Variants in CDH4 observed in about 807,000 individuals in gnomAD.
CDH4 encodes the protein cadherin-4.
In CDH4, 33 loss-of-function variants were observed where a neutral mutation model predicts 86.0. The ratio of observed to expected loss-of-function variants is 0.38; its 90% CI spans 0.29 to 0.51. CDH4 has a LOEUF of 0.51. CDH4 is among the 20% of genes least tolerant of loss of function. CDH4 has a pLI of 0.86. For missense variants in CDH4, 1,114 were observed against 1,307.4 expected (o/e 0.85, Z 2.28); for synonymous variants, 555 against 549.4 (o/e 1.01, Z -0.14).
chr20:61,933,237 C>A, intron 14 of CDH4, 113 bp downstream of exon 14: 2 of 1,358,374 alleles, frequency 1.5e-6, no homozygotes, highest in Non-Finnish European at 1.0e-6. Flanking sequence ...ACCTTTTCAC[C>A]AGTGAAGGTG....
chr20:61,546,130 GGGATACGGTATT>G (rs2086082807), intron 2 of CDH4, among the ~76,000 whole-genome samples: 2 of 147,420 alleles, frequency 1.4e-5, no homozygotes, highest in Admixed American at 6.8e-5. Context: ...GGGGGTATGT[GGGATACGGTATT>G]TGTTCACATT....
chr20:61,503,650 A>C (rs2085720295), intron 2 of CDH4, among the ~76,000 whole-genome samples: 2 of 152,354 alleles, frequency 1.3e-5, no homozygotes, highest in Non-Finnish European at 2.9e-5. Context: ...TCAGGGAATA[A>C]CATTTGGCTT....
At chr20:61,439,281 T>C (rs1367839428) in intron 2 of CDH4, among the ~76,000 whole-genome samples, 2 of 152,140 alleles carry the variant, frequency 1.3e-5, no homozygotes, top group African/African-American at 4.8e-5. Flanking sequence ...GCAGTGTGCA[T>C]TTCGGTTGTA....
chr20:61,428,770 T>C (rs189715579), intron 2 of CDH4, among the ~76,000 whole-genome samples: 5 of 149,436 alleles, frequency 3.3e-5, no homozygotes, highest in African/African-American at 4.8e-5. Context: ...ATCATGATTT[T>C]ATCATATGTA....
At chr20:61,711,742 A>G (rs1055861704) in intron 2 of CDH4, among the ~76,000 whole-genome samples, 1 of 152,214 alleles carries the variant, frequency 6.6e-6, no homozygotes, top group African/African-American at 2.4e-5. Flanking sequence ...CCCTGGGGGA[A>G]GTGAACCATC....
At chr20:61,867,816 AG>A (rs1359214784) in intron 6 of CDH4, among the ~76,000 whole-genome samples, 2 of 152,220 alleles carry the variant, frequency 1.3e-5, no homozygotes, top group Non-Finnish European at 2.9e-5. Flanking sequence ...TCTAATGAGC[AG>A]TCCTTTCCAC....
At chr20:61,782,638 C>T (rs1978609769) in intron 4 of CDH4, among the ~76,000 whole-genome samples, 1 of 152,076 alleles carries the variant, frequency 6.6e-6, no homozygotes, top group Non-Finnish European at 1.5e-5. Context: ...CTAAGTAAGA[C>T]AACAGTTGGA....
chr20:61,348,329 C>A (rs189787121), intron 2 of CDH4, among the ~76,000 whole-genome samples: 2 of 152,174 alleles, frequency 1.3e-5, no homozygotes, highest in African/African-American at 4.8e-5. Context: ...TTCGCTATCA[C>A]GAGAACAGCA....
intron 4 of CDH4, among the ~76,000 whole-genome samples, chr20:61,785,883 G>A (rs1336088604): frequency 6.6e-6 from 1 of 152,220 alleles, no homozygotes; most frequent in African/African-American, 2.4e-5. Context: ...GAGCGTGCGA[G>A]CGAGTGGAGA....
In CDH4 at chr20:61,510,456, G is replaced by A. The variant is rs939072969; in HGVS notation, c.170-233107G>A. ...GAGCTGGAAGGATACGTTTACTATC[G>A]GAATGCCCGCATGCCTGCTGGGCTG... On this transcript the variant is annotated intron_variant, in intron 2 of 15. Coordinates refer to ENST00000614565, the MANE Select transcript of CDH4 (RefSeq NM_001794.5). This position sits in a 1 kb window ranked among gnomAD's most constrained non-coding sequence, Gnocchi z 4.2. 1.1e-4 allele frequency among the ~76,000 whole-genome samples: 16 copies of A among 152,176 alleles called. No individual in the cohort carries two copies. Among genetic ancestry groups the A allele is most frequent in the Admixed American group, 7.9e-4 (12 of 15,284 alleles).
chr20:61,613,708 G>A (rs1311250250), intron 2 of CDH4, among the ~76,000 whole-genome samples: 7 of 151,938 alleles, frequency 4.6e-5, no homozygotes, highest in African/African-American at 1.5e-4. Flanking sequence ...CATTGGCTGT[G>A]TTCCCCTTCA....
At chr20:61,815,214 G>A (rs1328205134) in intron 4 of CDH4, among the ~76,000 whole-genome samples, 1 of 152,180 alleles carries the variant, frequency 6.6e-6, no homozygotes, top group South Asian at 2.1e-4. Context: ...ACGAAGTCCT[G>A]TCTAACCCCA....
At chr20:61,274,928 A>AG (rs2084218545) in intron 2 of CDH4, among the ~76,000 whole-genome samples, 1 of 105,736 alleles carries the variant, frequency 9.5e-6, no homozygotes, top group African/African-American at 3.7e-5. Context: ...AGTACTGTGC[A>AG]CAGTTTGGAG....
At chr20:61,534,424 A>G (rs151204478) in intron 2 of CDH4, among the ~76,000 whole-genome samples, 1 of 152,308 alleles carries the variant, frequency 6.6e-6, no homozygotes, top group East Asian at 1.9e-4. Flanking sequence ...CGTAATATGC[A>G]TTCCATATTT....
chr20:61,743,139 G>A lies in CDH4; in HGVS notation c.170-424G>A, dbSNP rs190371847. Among the ~76,000 whole-genome samples the A allele has an allele frequency of 1.2e-3, 181 of 152,276 alleles. 1 individual carries two copies. The highest frequency in any genetic ancestry group is 2.3e-3 in the Non-Finnish European group (159 of 68,024). ...TTAGCCTTCTTGGAGTGGAAAAACA[G>A]GTCCATTAGTGGCTTCACAGTCTCT... On this transcript the variant is annotated intron_variant, in intron 2 of 15. Coordinates refer to ENST00000614565, the MANE Select transcript of CDH4 (RefSeq NM_001794.5).
chr20:61,332,921 C>T (rs909818538), intron 2 of CDH4, among the ~76,000 whole-genome samples: 3 of 152,220 alleles, frequency 2.0e-5, no homozygotes, highest in Non-Finnish European at 4.4e-5. Flanking sequence ...GAGGCTGACG[C>T]GCCCTTGCCC....
chr20:61,572,824 T>G (rs150075946), intron 2 of CDH4, among the ~76,000 whole-genome samples: 2,605 of 146,072 alleles, frequency 0.018, 58 homozygotes, highest in African/African-American at 0.053. Flanking sequence ...TTCAGAACAC[T>G]ATGGATGGAT....
chr20:61,659,795 G>T (rs1232596712), intron 2 of CDH4, among the ~76,000 whole-genome samples: 2 of 152,234 alleles, frequency 1.3e-5, no homozygotes, highest in African/African-American at 4.8e-5. Flanking sequence ...CGGCCCAGGA[G>T]CTGGGGCAGG....
chr20:61,784,462 G>A (rs113231599), intron 4 of CDH4, among the ~76,000 whole-genome samples: 5 of 63,096 alleles, frequency 7.9e-5, no homozygotes, highest in Non-Finnish European at 1.5e-4. Context: ...AGTTCCTCGG[G>A]ACAGTTCTCA....
Sources: gnomAD v4.1 joint callset for allele counts (sites outside exome capture counted in the v4.1 genomes callset) on GRCh38, gnomAD v4.1.1 for gene constraint, Gnocchi (gnomAD v3.1) non-coding constraint, MANE v1.5 for transcripts, NCBI Gene and HGNC (gene_info 2026-07-23, HGNC 2026-07-21) for gene names.